Variants in ROBO1 observed in about 807,000 individuals in gnomAD.
The protein encoded by ROBO1 is roundabout guidance receptor 1.
A neutral mutation model predicts 195.9 loss-of-function variants in ROBO1; 149 were observed. The observed-to-expected ratio is 0.76, with a 90% CI of 0.67 to 0.87. The LOEUF (loss-of-function observed/expected upper bound fraction) is 0.87. Ranked by LOEUF, ROBO1 falls within the 40% of genes least tolerant of loss-of-function variation. The probability of loss-of-function intolerance (pLI) is 0.00; values close to 1 mark genes in which losing one functional copy is unlikely to be tolerated. For synonymous variants in ROBO1, 816 were observed against 733.2 expected (o/e 1.11, Z -1.82); for missense variants, 1,933 against 2,068.3 (o/e 0.93, Z 1.27).
intron 2 of ROBO1, among the ~76,000 whole-genome samples, chr3:79,248,547 T>C (rs1052328989): frequency 9.9e-5 from 15 of 152,102 alleles, no homozygotes; most frequent in Admixed American, 7.9e-4. Context: ...CTAAGTCTGA[T>C]AGAAAGTTAT....
chr3:79,578,980 G>A (rs1280091733), intron 2 of ROBO1, among the ~76,000 whole-genome samples: 5 of 152,078 alleles, frequency 3.3e-5, no homozygotes, highest in Non-Finnish European at 5.9e-5. Flanking sequence ...AGGAGCTTGC[G>A]GATTATGTCA....
chr3:78,908,111 C>A (rs1006231736), intron 4 of ROBO1, among the ~76,000 whole-genome samples: 1 of 150,892 alleles, frequency 6.6e-6, no homozygotes, highest in African/African-American at 2.4e-5. Flanking sequence ...AACTGGCCTG[C>A]ATCAACTAAA....
chr3:78,757,983 A>G (rs1490054172), intron 4 of ROBO1, among the ~76,000 whole-genome samples: 1 of 152,196 alleles, frequency 6.6e-6, no homozygotes, highest in Non-Finnish European at 1.5e-5. Context: ...CAAGGAAAAT[A>G]ACAAGCATGC....
intron 10 of ROBO1, among the ~76,000 whole-genome samples, chr3:78,679,571 T>C (rs1575916177): frequency 6.6e-6 from 1 of 152,210 alleles, no homozygotes; most frequent in East Asian, 1.9e-4. Context: ...TGAACTCCCA[T>C]TCACAATTGC....
chr3:79,110,621 C>CT (rs397877079), intron 3 of ROBO1, among the ~76,000 whole-genome samples: 5,894 of 127,872 alleles, frequency 0.046, 293 homozygotes, highest in African/African-American at 0.11. Flanking sequence ...AGGGAAATAA[C>CT]TTTTTTTTTT....
chr3:78,818,421 A>G (rs1174905484), intron 4 of ROBO1, among the ~76,000 whole-genome samples: 8 of 152,170 alleles, frequency 5.3e-5, no homozygotes, highest in Admixed American at 4.6e-4. Flanking sequence ...ACCTCCGTCA[A>G]TCCTCTACTA....
At chr3:78,711,349 TCC>T (rs2081699491) in intron 8 of ROBO1, among the ~76,000 whole-genome samples, 4 of 34,538 alleles carry the variant, frequency 1.2e-4, no homozygotes, top group African/African-American at 1.0e-3. Context: ...CCTTCCTTCC[TCC>T]TTCCTTCCTT....
At chr3:78,711,395 C>T (rs1367567458) in intron 8 of ROBO1, among the ~76,000 whole-genome samples, 2 of 43,288 alleles carry the variant, frequency 4.6e-5, no homozygotes, top group South Asian at 8.4e-4. Flanking sequence ...TCCTTCCTTC[C>T]TTCCTTTCTT....
chr3:78,807,290 T>C (rs2084575406), intron 4 of ROBO1, among the ~76,000 whole-genome samples: 1 of 152,222 alleles, frequency 6.6e-6, no homozygotes, highest in South Asian at 2.1e-4. Context: ...TTTTAAAGTT[T>C]AAACAATGTC....
At chr3:79,732,357 A>G (rs1703189777) in intron 1 of ROBO1, among the ~76,000 whole-genome samples, 1 of 145,482 alleles carries the variant, frequency 6.9e-6, no homozygotes, top group Non-Finnish European at 1.5e-5. Flanking sequence ...TTTAAAAAAG[A>G]TATTAATATA....
chr3:78,722,959 A>G (rs894752039), intron 5 of ROBO1, among the ~76,000 whole-genome samples: 2 of 152,186 alleles, frequency 1.3e-5, no homozygotes, highest in African/African-American at 4.8e-5. Context: ...TTTATTACAC[A>G]TACGCAGTTA....
chr3:79,072,320 C>A (rs569410040), intron 3 of ROBO1, among the ~76,000 whole-genome samples: 2 of 151,858 alleles, frequency 1.3e-5, no homozygotes, highest in South Asian at 2.1e-4. Context: ...TAGTTTGGCA[C>A]ACAAGTTTTA....
At chr3:79,185,764 G>A (rs1297949008) in intron 2 of ROBO1, among the ~76,000 whole-genome samples, 1 of 152,104 alleles carries the variant, frequency 6.6e-6, no homozygotes, top group Non-Finnish European at 1.5e-5. Flanking sequence ...TCTTGGAGAA[G>A]CCACATATTA....
intron 2 of ROBO1, among the ~76,000 whole-genome samples, chr3:79,521,908 C>T (rs1217682922): frequency 6.6e-6 from 1 of 152,058 alleles, no homozygotes; most frequent in Non-Finnish European, 1.5e-5. Context: ...ATGACCTTTC[C>T]CTCTTCTTCT....
intron 3 of ROBO1, among the ~76,000 whole-genome samples, chr3:79,103,743 C>T (rs2079722890): frequency 6.6e-6 from 1 of 151,554 alleles, no homozygotes; most frequent in Admixed American, 6.6e-5. Flanking sequence ...CAGACACAAA[C>T]ATATATACAT....
intron 1 of ROBO1, among the ~76,000 whole-genome samples, chr3:79,686,846 T>C (rs1271639104): frequency 6.6e-6 from 1 of 152,152 alleles, no homozygotes; most frequent in Non-Finnish European, 1.5e-5. Flanking sequence ...ATAACTTTCT[T>C]CACAGAATTG....
At chr3:79,024,751 C>T (rs2078170939) in intron 3 of ROBO1, among the ~76,000 whole-genome samples, 1 of 152,130 alleles carries the variant, frequency 6.6e-6, no homozygotes, top group Non-Finnish European at 1.5e-5. Flanking sequence ...ATCTCTAATA[C>T]CCAATACCTT....
intron 2 of ROBO1, among the ~76,000 whole-genome samples, chr3:79,413,495 A>C (rs556685487): frequency 1.3e-5 from 2 of 152,186 alleles, no homozygotes; most frequent in African/African-American, 2.4e-5. Context: ...AGCTCTGTGA[A>C]TGGTGGCAGC....
intron 23 of ROBO1, among the ~76,000 whole-genome samples, chr3:78,634,836 A>AAT (rs1241828993): frequency 1.3e-5 from 2 of 152,168 alleles, no homozygotes; most frequent in Non-Finnish European, 2.9e-5. Context: ...GTTAAAACAT[A>AAT]ATATTAACTT....
Sources: gnomAD v4.1 joint callset for allele counts (sites outside exome capture counted in the v4.1 genomes callset) on GRCh38, gnomAD v4.1.1 for gene constraint, MANE v1.5 for transcripts, NCBI Gene and HGNC (gene_info 2026-07-23, HGNC 2026-07-21) for gene names.